Variants in IRAG1 observed in about 807,000 individuals in gnomAD.
The protein encoded by IRAG1 is inositol 1,4,5-triphosphate receptor associated 1, also known as IP3R-associated cGMP kinase substrate.
In IRAG1, 62 loss-of-function variants were observed where a neutral mutation model predicts 106.2. The observed-to-expected ratio is 0.58, with a 90% CI of 0.48 to 0.72. IRAG1 has a LOEUF of 0.72. Among genes scored for constraint, IRAG1 ranks in the 30% least tolerant of loss-of-function variants. The pLI is 0.00. For missense variants in IRAG1, 1,064 were observed against 1,140.7 expected (o/e 0.93, Z 0.97); for synonymous variants, 462 against 443.9 (o/e 1.04, Z -0.51).
intron 1 of IRAG1, among the ~76,000 whole-genome samples, chr11:10,691,305 G>A (rs946261315): frequency 1.3e-5 from 2 of 152,236 alleles, no homozygotes; most frequent in Non-Finnish European, 2.9e-5. Context: ...CAACGGGTGA[G>A]GAACGGGATA....
At chr11:10,617,090 A>G in intron 10 of IRAG1, 1 of 985,358 alleles carries the variant, frequency 1.0e-6, no homozygotes, top group Non-Finnish European at 1.2e-6. Context: ...TGAGGCTCTG[A>G]GTCTAGACTG....
intron 1 of IRAG1, among the ~76,000 whole-genome samples, chr11:10,692,215 G>A (rs1006547119): frequency 9.0e-5 from 11 of 122,088 alleles, no homozygotes; most frequent in East Asian, 2.0e-4. Flanking sequence ...ACACATACAC[G>A]CACTATGGAA....
rs1859041553 is a variant in IRAG1, at chr11:10,657,838, AT to A, written c.68-5657del. On this transcript the variant is annotated intron_variant, in intron 1 of 20. Transcript: ENST00000423302. The surrounding 1 kb of genome is among the most constrained non-coding windows in gnomAD (Gnocchi z 4.1). ...ACTCACCAGTCTTACCCCTGCACCC[AT>A]TTTTACCAATGGGGAACCGAGGCCC... is the stretch of plus-strand genomic sequence containing the variant. 6.6e-6 allele frequency among the ~76,000 whole-genome samples: 1 copy of A among 152,088 alleles called. No homozygotes were observed. The highest frequency in any genetic ancestry group is 2.1e-4 in the South Asian group (1 of 4,814).
chr11:10,645,313 T>C (rs1269792955), intron 2 of IRAG1, among the ~76,000 whole-genome samples: 1 of 152,224 alleles, frequency 6.6e-6, no homozygotes, highest in African/African-American at 2.4e-5. Context: ...TTATAGCCCA[T>C]TTCCTCAGCT....
intron 2 of IRAG1, 102 bp from the exon 3 acceptor site, chr11:10,634,173 T>C: frequency 1.7e-6 from 1 of 599,788 alleles, no homozygotes; most frequent in Non-Finnish European, 2.9e-6. Context: ...CTCAGAGCCA[T>C]CTTGATAAGG....
chr11:10,587,319 C>T (rs560637962), intron 18 of IRAG1, among the ~76,000 whole-genome samples: 4 of 152,280 alleles, frequency 2.6e-5, no homozygotes, highest in South Asian at 4.2e-4. Flanking sequence ...CCTTTGTGAT[C>T]GGCATATCTT....
At chr11:10,617,299 C>A in intron 10 of IRAG1, 1 of 602,490 alleles carries the variant, frequency 1.7e-6, no homozygotes, top group Non-Finnish European at 2.1e-6. Context: ...AATAGTACTG[C>A]AAATAAAAAA....
intron 10 of IRAG1, among the ~76,000 whole-genome samples, chr11:10,611,974 G>A (rs1370438608): frequency 6.6e-6 from 1 of 152,172 alleles, no homozygotes; most frequent in Non-Finnish European, 1.5e-5. Flanking sequence ...AAGGCAGAAT[G>A]ATCGCACAGA....
At chr11:10,614,729 G>T (rs1168879437) in intron 10 of IRAG1, among the ~76,000 whole-genome samples, 1 of 152,190 alleles carries the variant, frequency 6.6e-6, no homozygotes, top group Non-Finnish European at 1.5e-5. Flanking sequence ...GGGAAAACTG[G>T]CTAGCCATAT....
At position 10,623,694 on chromosome 11, in the gene IRAG1, C is replaced by G. The variant is rs1057111867; in HGVS notation, c.1447+84G>C. On this transcript the variant is annotated intron_variant, in intron 10 of 20. Transcript: ENST00000423302. ...GTTTCCTGAGGAAGACACAGGAAGT[C>G]TTGTGTTTACACATTCACCTTCCTT... The G allele has an allele frequency of 2.1e-5, 26 of 1,255,766 alleles. No individual in the cohort carries two copies. In the South Asian group the frequency reaches 2.9e-4, roughly 14 times the overall value. 77.8% of individuals were successfully genotyped at this position (1,255,766 alleles called of 1,614,324 possible). A position where few individuals can be genotyped will look rare whatever the true frequency, so the allele number is the denominator to read the frequency against.
intron 1 of IRAG1, among the ~76,000 whole-genome samples, chr11:10,656,670 T>G (rs1240802637): frequency 6.6e-6 from 1 of 152,214 alleles, no homozygotes; most frequent in Non-Finnish European, 1.5e-5. Context: ...GAGATAGGTT[T>G]TATTATTTCC....
chr11:10,684,392 A>G (rs1015836349), intron 1 of IRAG1, among the ~76,000 whole-genome samples: 2 of 151,832 alleles, frequency 1.3e-5, no homozygotes, highest in Admixed American at 6.6e-5. Flanking sequence ...TCACTCATAG[A>G]TGGGAATTGA....
chr11:10,648,851 G>A (rs908646903), intron 2 of IRAG1, among the ~76,000 whole-genome samples: 2 of 152,158 alleles, frequency 1.3e-5, no homozygotes, highest in African/African-American at 4.8e-5. Flanking sequence ...AGAGAAACAG[G>A]ATCTAGTCCT....
At chr11:10,596,263 A>G (rs1853298421) in intron 15 of IRAG1, among the ~76,000 whole-genome samples, 1 of 152,200 alleles carries the variant, frequency 6.6e-6, no homozygotes, top group Non-Finnish European at 1.5e-5. Context: ...ATTGTCTCCA[A>G]ATAGTCTTTA....
At chr11:10,640,048 G>A (rs1483986553) in intron 2 of IRAG1, among the ~76,000 whole-genome samples, 1 of 152,180 alleles carries the variant, frequency 6.6e-6, no homozygotes, top group Non-Finnish European at 1.5e-5. Flanking sequence ...ATGAAGGAAT[G>A]GGGAGAGAAG....
At position 10,659,579 on chromosome 11, in the gene IRAG1, T is replaced by C. The variant is rs1394443105; in HGVS notation, c.68-7397A>G. Among the ~76,000 whole-genome samples the C allele has an allele frequency of 6.6e-6, 1 of 152,172 alleles. No homozygotes were observed. Among genetic ancestry groups the C allele is most frequent in the Non-Finnish European group, 1.5e-5 (1 of 68,026 alleles). ...TCTCCAGCCCTGCTCTCCGCTCCTG[T>C]GGAGCTCGTATAGGCTTTGTTGGCT... On this transcript the variant is annotated intron_variant, in intron 1 of 20. Transcript: ENST00000423302. The surrounding 1 kb of genome is among the most constrained non-coding windows in gnomAD (Gnocchi z 4.1).
chr11:10,580,250 C>G (rs1392702925), intron 20 of IRAG1, among the ~76,000 whole-genome samples: 1 of 152,218 alleles, frequency 6.6e-6, no homozygotes, highest in Non-Finnish European at 1.5e-5. Flanking sequence ...TTGCAAACTT[C>G]TCATTGCTAG....
At chr11:10,645,185 G>T (rs181947233) in intron 2 of IRAG1, among the ~76,000 whole-genome samples, 1 of 152,058 alleles carries the variant, frequency 6.6e-6, no homozygotes, top group African/African-American at 2.4e-5. Flanking sequence ...TCAATTCCTC[G>T]ATTCCATATT....
At chr11:10,608,828 A>AT (rs1448399666) in intron 11 of IRAG1, among the ~76,000 whole-genome samples, 1 of 152,050 alleles carries the variant, frequency 6.6e-6, no homozygotes, top group Non-Finnish European at 1.5e-5. Context: ...AGAAGTTTTT[A>AT]TTTTGAGGAA....
Sources: gnomAD v4.1 joint callset for allele counts (sites outside exome capture counted in the v4.1 genomes callset) on GRCh38, gnomAD v4.1.1 for gene constraint, Gnocchi (gnomAD v3.1) non-coding constraint, MANE v1.5 for transcripts, NCBI Gene and HGNC (gene_info 2026-07-23, HGNC 2026-07-21) for gene names.